Variants in C5 observed in about 807,000 individuals in gnomAD.
The protein encoded by C5 is C3 and PZP-like alpha-2-macroglobulin domain-containing protein 4.
In C5, 140 loss-of-function variants were observed where a neutral mutation model predicts 218.8. The ratio of observed to expected loss-of-function variants is 0.64; its 90% CI spans 0.56 to 0.74. The LOEUF (loss-of-function observed/expected upper bound fraction) is 0.74. Ranked by LOEUF, C5 falls within the 30% of genes least tolerant of loss-of-function variation. The pLI is 0.00. For synonymous variants in C5, 614 were observed against 682.3 expected, an observed-to-expected ratio of 0.90 and a Z score of 1.56; for missense variants, 1,700 against 1,969.6, an observed-to-expected ratio of 0.86 and a Z score of 2.59.
At chr9:121,001,602 T>C (rs7046909) in intron 20 of C5, among the ~76,000 whole-genome samples, 18,344 of 152,244 alleles carry the variant, frequency 0.12, 1,582 homozygotes, top group African/African-American at 0.24. Flanking sequence ...TCAGCAATGT[T>C]ACATTTTTGA....
chr9:120,966,547 T>TC (rs1340378628), intron 33 of C5, among the ~76,000 whole-genome samples: 5 of 152,098 alleles, frequency 3.3e-5, no homozygotes, highest in Non-Finnish European at 2.9e-5. Flanking sequence ...CCCTGTAGGG[T>TC]CCCAGGCACT....
intron 33 of C5, among the ~76,000 whole-genome samples, chr9:120,965,455 G>T (rs1168801842): frequency 6.6e-6 from 1 of 152,058 alleles, no homozygotes; most frequent in Non-Finnish European, 1.5e-5. Context: ...GGGAGGCAGA[G>T]GTTGCAGTGA....
At chr9:121,033,853 C>A (rs760626269) in intron 5 of C5, among the ~76,000 whole-genome samples, 83 of 151,756 alleles carry the variant, frequency 5.5e-4, no homozygotes, top group Non-Finnish European at 1.0e-3. Context: ...TTATAAATTT[C>A]TTTCTTTCTT....
chr9:121,017,309 A>G, intron 14 of C5, 53 bp downstream of exon 14: 1 of 1,605,974 alleles, frequency 6.2e-7, no homozygotes, highest in South Asian at 1.1e-5. Flanking sequence ...TCCATATCCT[A>G]GCCTGGTGGC....
In C5 at chr9:121,013,880, T is replaced by C. The variant is rs2131753601; in HGVS notation, c.2250A>G (p.Gly750=). 6.2e-7 allele frequency: 1 copy of C among 1,613,820 alleles called. No individual in the cohort carries two copies. Among genetic ancestry groups the C allele is most frequent in the Non-Finnish European group, 8.5e-7 (1 of 1,179,754 alleles). Residue 750 remains glycine, a synonymous_variant, in exon 17 of 41, where the codon GGA becomes GGG. Coordinates refer to ENST00000223642, the MANE Select transcript of C5 (RefSeq NM_001735.3). ...AGAAAATGTCATACTTACGTAGCCT[T>C]CCCAATTGCATGTCTTTATGAGAGA... is the stretch of plus-strand genomic sequence containing the variant. ...ANISHKDMQL[G]RLHMKTLLPV... is the part of the protein sequence containing the mutation.
chr9:120,978,900 T>A, intron 28 of C5, among the ~76,000 whole-genome samples: 1 of 151,868 alleles, frequency 6.6e-6, no homozygotes, highest in African/African-American at 2.4e-5. Flanking sequence ...CACAGCACAT[T>A]GCTGTGGATA....
chr9:120,982,529 G>T, intron 26 of C5, 126 bp downstream of exon 26: 1 of 766,014 alleles, frequency 1.3e-6, no homozygotes, highest in South Asian at 1.7e-5. Context: ...TATTTTGCTT[G>T]TTCACAAAGG....
chr9:120,989,595 G>T lies in C5; in HGVS notation c.3127C>A (p.Gln1043Lys), dbSNP rs41311887. The change falls in exon 24 of 41, where the codon CAG becomes AAG. Residue 1043 changes from glutamine to lysine, a missense_variant. Physicochemically the swap from Gln to Lys is moderately conservative, Grantham distance 53. Coordinates refer to ENST00000223642, the MANE Select transcript of C5 (RefSeq NM_001735.3). ...TCTTTTAATTTTTTCTTCAGTTTCTGCTTTTCAATTAATGGGTCAGAATGA... is the reference window on the plus strand; with the variant it reads ...TCTTTTAATTTTTTCTTCAGTTTCTTCTTTTCAATTAATGGGTCAGAATGA... ...IFHSDPLIEK[Q>K]KLKKKLKEGM... is the part of the protein sequence containing the mutation. 5,637 of 1,604,014 alleles carry T rather than the reference G, an allele frequency of 3.5e-3. 184 individuals are homozygous for T. The African/African-American group carries it at 0.069, about 20-fold the overall frequency.
At chr9:120,964,431 A>G (rs563643443) in intron 33 of C5, among the ~76,000 whole-genome samples, 1 of 152,244 alleles carries the variant, frequency 6.6e-6, no homozygotes, top group Non-Finnish European at 1.5e-5. Context: ...GCAGCACTGC[A>G]CTTCAGCCTG....
chr9:121,065,912 A>G, the C5 span, among the ~76,000 whole-genome samples: 2 of 152,258 alleles, frequency 1.3e-5, no homozygotes, highest in East Asian at 3.8e-4. Flanking sequence ...AACATATTCA[A>G]TAGAAAATGT....
chr9:120,974,289 G>C (rs1169718002), intron 30 of C5, among the ~76,000 whole-genome samples: 1 of 152,150 alleles, frequency 6.6e-6, no homozygotes, highest in Non-Finnish European at 1.5e-5. Context: ...CTCCAACCTG[G>C]CCACAGTCTG....
chr9:121,013,622 C>T (rs1372726372), intron 17 of C5, among the ~76,000 whole-genome samples: 2 of 152,146 alleles, frequency 1.3e-5, no homozygotes, highest in Non-Finnish European at 2.9e-5. Flanking sequence ...GATAAATAAT[C>T]ATTCAAGTTT....
At chr9:121,004,700 G>A (rs1284963575) in intron 20 of C5, among the ~76,000 whole-genome samples, 1 of 151,998 alleles carries the variant, frequency 6.6e-6, no homozygotes, top group Non-Finnish European at 1.5e-5. Context: ...TTGAACAGGG[G>A]AGGAGGAGTT....
chr9:121,037,925 C>G lies in C5; in HGVS notation c.448G>C (p.Asp150His). Residue 150 changes from aspartate (D) to histidine (H), a missense_variant, in exon 4 of 41, where the codon GAC becomes CAC. Physicochemically the swap from Asp to His is moderately conservative, Grantham distance 81. Coordinates refer to ENST00000223642, the MANE Select transcript of C5 (RefSeq NM_001735.3). ...SVKVRVYSLN[D>H]DLKPAKRETV... ...TCTCTTTTGGCTGGCTTCAAGTCGT[C>G]ATTCAACGAATAAACTCTAACTTTT... 6.5e-7 allele frequency: 1 copy of G among 1,532,380 alleles called. No homozygotes were observed. The highest frequency in any genetic ancestry group is 1.2e-5 in the South Asian group (1 of 83,290). The allele number at this position is 1,532,380 out of a possible 1,614,324, so 94.9% of individuals were successfully genotyped here. A position where few individuals can be genotyped will look rare whatever the true frequency, so the allele number is the denominator to read the frequency against.
At chr9:121,055,356 C>T in the C5 span, among the ~76,000 whole-genome samples, 1 of 151,970 alleles carries the variant, frequency 6.6e-6, no homozygotes, top group African/African-American at 2.4e-5. Context: ...TAGTGCTGTC[C>T]TGGTCTTGGA....
intron 3 of C5, among the ~76,000 whole-genome samples, chr9:121,038,722 T>G (rs972131227): frequency 2.0e-5 from 3 of 152,128 alleles, no homozygotes; most frequent in African/African-American, 7.2e-5. Flanking sequence ...TGGCCAAAAC[T>G]TTACCCACAA....
chr9:120,987,867 A>T (rs529582106), intron 25 of C5, among the ~76,000 whole-genome samples: 6 of 152,054 alleles, frequency 3.9e-5, no homozygotes, highest in Middle Eastern at 3.4e-3. Flanking sequence ...ATCTCGGCTC[A>T]CTGTAACCCT....
At chr9:121,034,927 G>C in intron 4 of C5, 33 bp from the exon 5 acceptor site, 1 of 1,088,794 alleles carries the variant, frequency 9.2e-7, no homozygotes, top group South Asian at 1.3e-5. Flanking sequence ...TCAAAGGCCA[G>C]AAACTACATT....
At chr9:120,981,790 G>T (rs2046995517) in intron 27 of C5, 54 bp downstream of exon 27, 4 of 1,198,332 alleles carry the variant, frequency 3.3e-6, no homozygotes, top group Non-Finnish European at 5.0e-6. Flanking sequence ...GGCCCCTCCA[G>T]TATATAGTAC....
Sources: gnomAD v4.1 joint callset for allele counts (sites outside exome capture counted in the v4.1 genomes callset) on GRCh38, gnomAD v4.1.1 for gene constraint, MANE v1.5 for transcripts, NCBI Gene and HGNC (gene_info 2026-07-23, HGNC 2026-07-21) for gene names.